The following ATF7IP2 variants were observed in gnomAD, a reference collection of about 807,000 sequenced individuals.
The protein encoded by ATF7IP2 is activating transcription factor 7 interacting protein 2.
Under a neutral mutation model 64.2 loss-of-function variants are expected in ATF7IP2, and 42 were observed. That is an observed-to-expected ratio of 0.65 (90% CI 0.51 to 0.85). The LOEUF is 0.85. Ranked by LOEUF, ATF7IP2 falls within the 40% of genes least tolerant of loss-of-function variation. The pLI, the probability that ATF7IP2 is intolerant of heterozygous loss-of-function variation, is 0.00. For synonymous variants in ATF7IP2, 308 were observed against 272.8 expected, an observed-to-expected ratio of 1.13 and a Z score of -1.27; for missense variants, 933 against 784.2, an observed-to-expected ratio of 1.19 and a Z score of -2.27.
At chr16:10,455,826 TGAAAG>T (rs1432735877) in intron 8 of ATF7IP2, among the ~76,000 whole-genome samples, 5 of 152,156 alleles carry the variant, frequency 3.3e-5, no homozygotes, top group African/African-American at 4.8e-5. Context: ...GGTGAGGACT[TGAAAG>T]GAAATGAGGA....
At chr16:10,473,789 A>G (rs1049365731) in intron 11 of ATF7IP2, 134 bp from the exon 12 acceptor site, 1 of 649,284 alleles carries the variant, frequency 1.5e-6, no homozygotes, top group Non-Finnish European at 2.6e-6. Flanking sequence ...CAAGAGACTT[A>G]GAGAATGTTC....
At chr16:10,472,901 CT>C (rs2049857686) in intron 10 of ATF7IP2, among the ~76,000 whole-genome samples, 2 of 151,360 alleles carry the variant, frequency 1.3e-5, no homozygotes, top group African/African-American at 4.9e-5. Flanking sequence ...CCAATGATAA[CT>C]TTTCTCTCTC....
chr16:10,417,246 C>A (rs903721956), intron 2 of ATF7IP2, among the ~76,000 whole-genome samples: 2 of 151,966 alleles, frequency 1.3e-5, no homozygotes, highest in African/African-American at 2.4e-5. Context: ...TAACATGGAA[C>A]CTGAATGGAT....
At chr16:10,452,731 G>A (rs1188858637) in intron 8 of ATF7IP2, among the ~76,000 whole-genome samples, 3 of 151,656 alleles carry the variant, frequency 2.0e-5, no homozygotes, top group Admixed American at 2.0e-4. Flanking sequence ...CCAGGGAGAT[G>A]GGGGGTTTAT....
chr16:10,446,241 C>G (rs1360585133), intron 8 of ATF7IP2: 1 of 152,212 alleles, frequency 6.6e-6, no homozygotes, highest in Non-Finnish European at 1.5e-5. Context: ...ATGTTCAGGT[C>G]TCTTTAGATT....
intron 1 of ATF7IP2, among the ~76,000 whole-genome samples, chr16:10,394,418 C>G (rs979108338): frequency 1.3e-5 from 2 of 152,134 alleles, no homozygotes; most frequent in African/African-American, 2.4e-5. Context: ...GGAAGAAATG[C>G]ACAGTTCAGT....
At position 10,472,145 on chromosome 16, in the gene ATF7IP2, G is replaced by T. The variant is rs138524305; in HGVS notation, c.1388G>T (p.Ser463Ile). Residue 463 changes from serine to isoleucine, a missense_variant, in exon 10 of 14, where the codon AGT (serine) becomes ATT (isoleucine). Physicochemically the swap from Ser to Ile is moderately radical, Grantham distance 142. Coordinates refer to ENST00000562102, the MANE Select transcript of ATF7IP2 (RefSeq NM_001393719.1). The part of the protein sequence containing the change: ...NDDVMLISVE[S>I]PNLTTPITSN... ...GATGTTATGTTGATTTCTGTGGAAA[G>T]TCCTAATTTGACAACTCCAATTACA... The T allele has an allele frequency of 6.4e-7, 1 of 1,573,982 alleles. No homozygotes were observed. Among genetic ancestry groups the T allele is most frequent in the Non-Finnish European group, 8.7e-7 (1 of 1,153,270 alleles).
At chr16:10,390,268 G>T (rs2047294960) in intron 1 of ATF7IP2, among the ~76,000 whole-genome samples, 1 of 151,468 alleles carries the variant, frequency 6.6e-6, no homozygotes, top group Admixed American at 6.6e-5. Flanking sequence ...AACTATAACA[G>T]GAAAAAAGAT....
chr16:10,435,935 C>G (rs1247944486), intron 6 of ATF7IP2, among the ~76,000 whole-genome samples: 4 of 152,092 alleles, frequency 2.6e-5, no homozygotes, highest in African/African-American at 7.2e-5. Context: ...TTTCCACGTT[C>G]AAAAGATTTA....
chr16:10,388,352 A>AT (rs1179822359), intron 1 of ATF7IP2, among the ~76,000 whole-genome samples: 1 of 152,118 alleles, frequency 6.6e-6, no homozygotes, highest in Non-Finnish European at 1.5e-5. Flanking sequence ...AATATATTGG[A>AT]TTTTTTTGAA....
At chr16:10,393,415 A>T (rs1470185519) in intron 1 of ATF7IP2, among the ~76,000 whole-genome samples, 1 of 152,082 alleles carries the variant, frequency 6.6e-6, no homozygotes, top group Non-Finnish European at 1.5e-5. Context: ...AAAAAGTGAA[A>T]GGCAGACATA....
intron 10 of ATF7IP2, among the ~76,000 whole-genome samples, chr16:10,472,751 G>T (rs2049849439): frequency 6.6e-6 from 1 of 151,722 alleles, no homozygotes; most frequent in Non-Finnish European, 1.5e-5. Flanking sequence ...AGCTACTCTG[G>T]AGGGTGAGGC....
intron 12 of ATF7IP2, 76 bp from the exon 13 acceptor site, chr16:10,480,803 G>T (rs752009880): frequency 2.1e-6 from 2 of 970,442 alleles, no homozygotes; most frequent in Non-Finnish European, 3.3e-6. Flanking sequence ...CACCAAAGAT[G>T]TAAACTATAG....
chr16:10,401,812 T>A (rs1596441788), intron 1 of ATF7IP2, among the ~76,000 whole-genome samples: 1 of 151,852 alleles, frequency 6.6e-6, no homozygotes, highest in East Asian at 1.9e-4. Flanking sequence ...ATTCAGGATT[T>A]CTGTTTCTTC....
At chr16:10,431,568 A>G in intron 5 of ATF7IP2, 113 bp downstream of exon 5, 1 of 678,852 alleles carries the variant, frequency 1.5e-6, no homozygotes, top group Non-Finnish European at 2.4e-6. Flanking sequence ...GTAAATGATG[A>G]CAATTATTTC....
chr16:10,412,010 G>GTTTTTTTTTTTTT (rs71133351), intron 1 of ATF7IP2, among the ~76,000 whole-genome samples: 7 of 58,394 alleles, frequency 1.2e-4, no homozygotes, highest in Non-Finnish European at 2.0e-4. Flanking sequence ...ATCTTTTTTT[G>GTTTTTTTTTTTTT]TTTTTTTTTT....
intron 1 of ATF7IP2, among the ~76,000 whole-genome samples, chr16:10,413,463 C>G (rs2047811925): frequency 6.6e-6 from 1 of 152,180 alleles, no homozygotes; most frequent in Non-Finnish European, 1.5e-5. Context: ...TCCAATTAAA[C>G]CTCTTTTTCT....
At chr16:10,479,039 T>C (rs2050115565) in intron 12 of ATF7IP2, among the ~76,000 whole-genome samples, 1 of 151,082 alleles carries the variant, frequency 6.6e-6, no homozygotes, top group Non-Finnish European at 1.5e-5. Flanking sequence ...AGGAACACTT[T>C]TACACTGTTG....
chr16:10,481,521 G>A (rs1225607872), intron 13 of ATF7IP2, among the ~76,000 whole-genome samples: 2 of 152,212 alleles, frequency 1.3e-5, no homozygotes, highest in African/African-American at 4.8e-5. Context: ...CTGACCTCAG[G>A]TGAGGCAATG....
Sources: gnomAD v4.1 joint callset for allele counts (sites outside exome capture counted in the v4.1 genomes callset) on GRCh38, gnomAD v4.1.1 for gene constraint, MANE v1.5 for transcripts, NCBI Gene and HGNC (gene_info 2026-07-23, HGNC 2026-07-21) for gene names.